Variants in SAMMSON observed in about 807,000 individuals in gnomAD.
The protein encoded by SAMMSON is survival associated mitochondrial melanoma specific oncogenic non-coding RNA.
At chr3:70,064,481 G>A (rs1243747420) in intron 3 of SAMMSON, among the ~76,000 whole-genome samples, 2 of 152,116 alleles carry the variant, frequency 1.3e-5, no homozygotes, top group Non-Finnish European at 2.9e-5. Flanking sequence ...AGAAAGTGAT[G>A]CCAGTTCAGC....
chr3:70,207,420 T>A (rs982458272), intron 4 of SAMMSON, among the ~76,000 whole-genome samples: 1 of 152,070 alleles, frequency 6.6e-6, no homozygotes, highest in Admixed American at 6.6e-5. Flanking sequence ...TATTTCCACA[T>A]AACTGTCTGG....
chr3:70,301,245 TA>T, intron 7 of SAMMSON, among the ~76,000 whole-genome samples: 1 of 152,192 alleles, frequency 6.6e-6, no homozygotes, highest in South Asian at 2.1e-4. Context: ...CTGAGTCCAT[TA>T]AAAACAAAAC....
chr3:70,182,757 A>G (rs1701063911), intron 4 of SAMMSON, among the ~76,000 whole-genome samples: 1 of 152,214 alleles, frequency 6.6e-6, no homozygotes, highest in Non-Finnish European at 1.5e-5. Flanking sequence ...TTGCTAATTT[A>G]GGGCAATTGT....
intron 7 of SAMMSON, among the ~76,000 whole-genome samples, chr3:70,316,367 T>C (rs1300399362): frequency 1.3e-5 from 2 of 152,130 alleles, no homozygotes; most frequent in African/African-American, 4.8e-5. Context: ...AATTAATCAA[T>C]GCGTAGGTAT....
At chr3:70,127,179 A>G (rs2067462767) in intron 4 of SAMMSON, 3 of 152,218 alleles carry the variant, frequency 2.0e-5, no homozygotes, top group Admixed American at 2.0e-4. Flanking sequence ...ATCTAAAGCA[A>G]AGCTTCCCAA....
chr3:70,146,717 G>T (rs1041803286), intron 4 of SAMMSON, among the ~76,000 whole-genome samples: 1 of 151,904 alleles, frequency 6.6e-6, no homozygotes, highest in Non-Finnish European at 1.5e-5. Flanking sequence ...TACTTAAGAG[G>T]CTGTCTTATA....
chr3:70,231,290 G>C (rs1559540673), intron 4 of SAMMSON, among the ~76,000 whole-genome samples: 7 of 152,172 alleles, frequency 4.6e-5, no homozygotes, highest in Admixed American at 3.9e-4. Flanking sequence ...TTAAGACGAC[G>C]CTCCTGCCCC....
At chr3:70,101,839 T>C (rs909945602) in intron 4 of SAMMSON, among the ~76,000 whole-genome samples, 2 of 152,154 alleles carry the variant, frequency 1.3e-5, no homozygotes, top group African/African-American at 4.8e-5. Context: ...ACTAAAATTA[T>C]AATTTCCTGA....
chr3:70,430,441 G>A (rs1027977493), intron 2 of SAMMSON, among the ~76,000 whole-genome samples: 1 of 152,098 alleles, frequency 6.6e-6, no homozygotes, highest in Admixed American at 6.6e-5. Flanking sequence ...GTTGTTATGA[G>A]AGCATGTGAC....
intron 3 of SAMMSON, among the ~76,000 whole-genome samples, chr3:70,051,148 A>G (rs2067144458): frequency 1.3e-5 from 2 of 148,906 alleles, no homozygotes; most frequent in East Asian, 2.0e-4. Flanking sequence ...AAAAAAAAAA[A>G]AAAAAAAAAA....
chr3:70,407,151 C>T (rs528220143), intron 2 of SAMMSON, among the ~76,000 whole-genome samples: 153 of 152,244 alleles, frequency 1.0e-3, no homozygotes, highest in Admixed American at 2.2e-3. Context: ...CTCAAATTAT[C>T]CCCCACCAGG....
intron 4 of SAMMSON, among the ~76,000 whole-genome samples, chr3:70,098,896 G>A (rs2067332846): frequency 6.6e-6 from 1 of 152,066 alleles, no homozygotes; most frequent in Non-Finnish European, 1.5e-5. Flanking sequence ...CTATATCTAT[G>A]TGTGTCTTGA....
At chr3:70,021,320 T>G (rs1335796791) in intron 3 of SAMMSON, among the ~76,000 whole-genome samples, 1 of 152,216 alleles carries the variant, frequency 6.6e-6, no homozygotes, top group Non-Finnish European at 1.5e-5. Flanking sequence ...ATATGTTTAC[T>G]TTTCAAGAAA....
At chr3:70,042,930 C>T (rs1213203502) in intron 3 of SAMMSON, among the ~76,000 whole-genome samples, 1 of 152,072 alleles carries the variant, frequency 6.6e-6, no homozygotes, top group Non-Finnish European at 1.5e-5. Flanking sequence ...AGAGATTTCG[C>T]TTTGCCAGTG....
chr3:70,226,185 A>C (rs1269173303), intron 4 of SAMMSON, among the ~76,000 whole-genome samples: 1 of 152,210 alleles, frequency 6.6e-6, no homozygotes, highest in Non-Finnish European at 1.5e-5. Context: ...TTCGATAAAC[A>C]TTTATGAATC....
chr3:70,186,430 A>AT (rs1213677058), intron 4 of SAMMSON, among the ~76,000 whole-genome samples: 1 of 151,398 alleles, frequency 6.6e-6, no homozygotes, highest in Non-Finnish European at 1.5e-5. Context: ...GCTAATTTTT[A>AT]TTTTTTTATT....
chr3:70,256,949 G>A (rs1368891353), intron 6 of SAMMSON, among the ~76,000 whole-genome samples: 2 of 152,186 alleles, frequency 1.3e-5, no homozygotes, highest in Non-Finnish European at 2.9e-5. Flanking sequence ...GGTCCACCCT[G>A]TGAAGCACAA....
At chr3:70,351,534 T>C (rs1361287031) in intron 7 of SAMMSON, among the ~76,000 whole-genome samples, 1 of 152,100 alleles carries the variant, frequency 6.6e-6, no homozygotes, top group African/African-American at 2.4e-5. Flanking sequence ...ATATTTAAAA[T>C]GCCCAAAAAT....
chr3:70,328,575 G>C (rs9848949), intron 7 of SAMMSON, among the ~76,000 whole-genome samples: 14,399 of 152,012 alleles, frequency 0.095, 931 homozygotes, highest in East Asian at 0.37. Flanking sequence ...GACTGCAGAA[G>C]AAAATATGAG....
Sources: allele counts gnomAD v4.1 joint callset (sites outside exome capture counted in the v4.1 genomes callset), GRCh38; gene constraint gnomAD v4.1.1; transcripts MANE v1.5; gene names NCBI Gene and HGNC (gene_info 2026-07-23, HGNC 2026-07-21).